The following ATP11A variants were observed in gnomAD, a reference collection of about 807,000 sequenced individuals.
ATP11A encodes the protein ATPase phospholipid transporting 11A, also known as phospholipid-transporting ATPase IH.
ATP11A carries 81 observed loss-of-function variants against 154.4 expected under a neutral mutation model. The ratio of observed to expected loss-of-function variants is 0.52; its 90% confidence interval spans 0.44 to 0.63. ATP11A has a LOEUF of 0.63. Ranked by LOEUF, ATP11A falls within the 30% of genes least tolerant of loss-of-function variation. The pLI, the probability that ATP11A is intolerant of heterozygous loss-of-function variation, is 0.00. For synonymous variants in ATP11A, 623 were observed against 585.9 expected (o/e 1.06, Z -0.91); for missense variants, 1,316 against 1,474.3 (o/e 0.89, Z 1.76).
At chr13:112,749,888 C>T (rs1395291928) in intron 1 of ATP11A, among the ~76,000 whole-genome samples, 5 of 120,316 alleles carry the variant, frequency 4.2e-5, no homozygotes, top group African/African-American at 1.3e-4. Context: ...CTGAAGGACG[C>T]GGGGTTGAAT....
chr13:112,735,277 T>C (rs1465452578), intron 1 of ATP11A, among the ~76,000 whole-genome samples: 1 of 152,148 alleles, frequency 6.6e-6, no homozygotes, highest in East Asian at 1.9e-4. Context: ...GAGATTGAGT[T>C]TTTTTCCGTT....
At chr13:112,692,498 A>T (rs1885312869) in intron 1 of ATP11A, among the ~76,000 whole-genome samples, 1 of 152,122 alleles carries the variant, frequency 6.6e-6, no homozygotes, top group Non-Finnish European at 1.5e-5. Context: ...ATATAGATCT[A>T]TATAAGTGTT....
intron 1 of ATP11A, among the ~76,000 whole-genome samples, chr13:112,735,037 A>T (rs72660020): frequency 1.5e-3 from 235 of 152,286 alleles, no homozygotes; most frequent in African/African-American, 2.3e-3. Context: ...GACTTTTTTT[A>T]AAAAAAGAAA....
chr13:112,765,855 C>A (rs2150217), intron 1 of ATP11A, among the ~76,000 whole-genome samples: 10,758 of 152,314 alleles, frequency 0.071, 1,221 homozygotes, highest in African/African-American at 0.24. Context: ...TCTGTAACGA[C>A]CTCCCGTAAA....
chr13:112,773,780 C>T (rs1199484495), intron 1 of ATP11A, among the ~76,000 whole-genome samples: 3 of 152,252 alleles, frequency 2.0e-5, no homozygotes, highest in Admixed American at 6.5e-5. Context: ...CAACGCCCCG[C>T]GTGTGTGAGT....
At position 112,690,118 on chromosome 13, in the gene ATP11A, C is replaced by G. The variant is rs1884964174; in HGVS notation, c.-299C>G. Among the ~76,000 whole-genome samples the G allele has an allele frequency of 6.7e-6, 1 of 148,434 alleles. No homozygotes were observed. Among genetic ancestry groups the G allele is most frequent in the Admixed American group, 6.7e-5 (1 of 14,954 alleles). ...CCGCGGCCGGGGTGCTCCAGCCGAG[C>G]CCAACCGAGCGGGCGGACCGACGGG... On this transcript the variant is annotated 5_prime_UTR_variant, in exon 1 of 30. Transcript: ENST00000375645. This position sits in a 1 kb window ranked among gnomAD's most constrained non-coding sequence, Gnocchi z 5.6.
intron 25 of ATP11A, 51 bp from the exon 26 acceptor site, chr13:112,871,683 AG>A: frequency 6.4e-7 from 1 of 1,555,944 alleles, no homozygotes. Context: ...ATTGTGAAAG[AG>A]AAAAAAAAAT....
intron 5 of ATP11A, among the ~76,000 whole-genome samples, chr13:112,812,451 C>T (rs1353824883): frequency 6.6e-6 from 1 of 152,186 alleles, no homozygotes; most frequent in South Asian, 2.1e-4. Context: ...GCAGGGAGCA[C>T]CCCAGTCCTG....
chr13:112,787,314 G>A (rs2077666480), intron 2 of ATP11A, among the ~76,000 whole-genome samples: 1 of 126,416 alleles, frequency 7.9e-6, no homozygotes, highest in Admixed American at 7.4e-5. Flanking sequence ...GTCCTGATGT[G>A]TAGACCCCTG....
chr13:112,869,280 T>TCACG (rs1195857206), intron 25 of ATP11A, among the ~76,000 whole-genome samples: 17 of 152,314 alleles, frequency 1.1e-4, no homozygotes, highest in African/African-American at 3.6e-4. Context: ...GATTCTGGAT[T>TCACG]CACGATAGCT....
chr13:112,718,955 C>T (rs1002796807), intron 1 of ATP11A, among the ~76,000 whole-genome samples: 1 of 152,216 alleles, frequency 6.6e-6, no homozygotes, highest in Non-Finnish European at 1.5e-5. Flanking sequence ...GCCGGGATTA[C>T]AGGCGTGAGC....
chr13:112,762,184 C>T (rs2076978800), intron 1 of ATP11A, among the ~76,000 whole-genome samples: 1 of 152,140 alleles, frequency 6.6e-6, no homozygotes, highest in African/African-American at 2.4e-5. Context: ...CTCCCAAACC[C>T]CTCCTCCTCC....
At chr13:112,841,263 G>C (rs1273203491) in intron 16 of ATP11A, among the ~76,000 whole-genome samples, 1 of 146,034 alleles carries the variant, frequency 6.8e-6, no homozygotes. Flanking sequence ...GGCTCTGTGT[G>C]TCGGGAGCAC....
chr13:112,868,527 G>T (rs1412588700), intron 25 of ATP11A, among the ~76,000 whole-genome samples: 1 of 152,202 alleles, frequency 6.6e-6, no homozygotes, highest in Non-Finnish European at 1.5e-5. Flanking sequence ...TCTTGGCTGA[G>T]ATGTGCCTGT....
intron 2 of ATP11A, among the ~76,000 whole-genome samples, chr13:112,800,384 C>T (rs1175526651): frequency 6.6e-6 from 1 of 152,130 alleles, no homozygotes; most frequent in African/African-American, 2.4e-5. Flanking sequence ...CACCCATAAA[C>T]TTGGTAACTT....
intron 1 of ATP11A, among the ~76,000 whole-genome samples, chr13:112,711,350 C>T (rs1162664054): frequency 1.3e-5 from 2 of 152,092 alleles, no homozygotes; most frequent in Non-Finnish European, 2.9e-5. Flanking sequence ...ACCTGTGGTC[C>T]CATCTACTTG....
At chr13:112,837,578 G>A (rs2079272018) in intron 16 of ATP11A, among the ~76,000 whole-genome samples, 1 of 152,218 alleles carries the variant, frequency 6.6e-6, no homozygotes, top group Non-Finnish European at 1.5e-5. Context: ...ATTAAGAGCT[G>A]TGGGATCTCA....
chr13:112,867,471 C>T (rs1216133917), intron 25 of ATP11A, among the ~76,000 whole-genome samples: 4 of 152,304 alleles, frequency 2.6e-5, no homozygotes, highest in Admixed American at 2.0e-4. Context: ...GAGGGCAGCC[C>T]GGCTGTGCTC....
At chr13:112,845,687 A>T (rs7331945) in intron 17 of ATP11A, among the ~76,000 whole-genome samples, 49 of 121,198 alleles carry the variant, frequency 4.0e-4, no homozygotes, top group African/African-American at 1.9e-3. Context: ...AGCGGTACTA[A>T]CCAGTCCAGT....
Sources: gnomAD v4.1 joint callset for allele counts (sites outside exome capture counted in the v4.1 genomes callset) on GRCh38, gnomAD v4.1.1 for gene constraint, Gnocchi (gnomAD v3.1) non-coding constraint, MANE v1.5 for transcripts, NCBI Gene and HGNC (gene_info 2026-07-23, HGNC 2026-07-21) for gene names.